Variants in NAALADL2 observed in about 807,000 individuals in gnomAD.
NAALADL2 encodes N-acetylated alpha-linked acidic dipeptidase like 2, also known as inactive N-acetylated-alpha-linked acidic dipeptidase-like protein 2.
NAALADL2 carries 76 observed loss-of-function variants against 87.2 expected under a neutral mutation model. That is an observed-to-expected ratio of 0.87 (90% confidence interval 0.72 to 1.05). The LOEUF (loss-of-function observed/expected upper bound fraction) is 1.05. Ranked by LOEUF, NAALADL2 falls within the 50% of genes least tolerant of loss-of-function variation. The probability of loss-of-function intolerance (pLI) is 0.00; values close to 1 mark genes in which losing one functional copy is unlikely to be tolerated. For missense variants in NAALADL2, 1,089 were observed against 945.8 expected (o/e 1.15, Z -1.99); for synonymous variants, 354 against 331.0 (o/e 1.07, Z -0.75).
intron 3 of NAALADL2, among the ~76,000 whole-genome samples, chr3:174,763,906 G>C (rs969096277): frequency 2.0e-5 from 3 of 151,788 alleles, no homozygotes; most frequent in Non-Finnish European, 2.9e-5. Flanking sequence ...TTTAGAAATG[G>C]TGTGTAACCA....
chr3:175,534,883 T>C (rs1239228447), intron 9 of NAALADL2, among the ~76,000 whole-genome samples: 1 of 151,998 alleles, frequency 6.6e-6, no homozygotes, highest in Non-Finnish European at 1.5e-5. Flanking sequence ...CTTGCCTTTC[T>C]TTCTTTGTTC....
chr3:175,458,612 G>T (rs988776162), intron 6 of NAALADL2, among the ~76,000 whole-genome samples: 13 of 149,040 alleles, frequency 8.7e-5, no homozygotes, highest in Non-Finnish European at 1.9e-4. Context: ...ATAAAACCAT[G>T]AGAACATATC....
At chr3:174,715,219 C>G (rs1425989713) in intron 2 of NAALADL2, among the ~76,000 whole-genome samples, 6 of 152,078 alleles carry the variant, frequency 3.9e-5, no homozygotes. Flanking sequence ...TACCTTCCAA[C>G]TATTTTTTTA....
At chr3:175,383,857 G>T (rs188653279) in intron 5 of NAALADL2, among the ~76,000 whole-genome samples, 1 of 152,000 alleles carries the variant, frequency 6.6e-6, no homozygotes, top group South Asian at 2.1e-4. Context: ...GAAAAGATAC[G>T]TAGTGGGCTC....
At chr3:174,940,962 T>A (rs1277848903) in intron 1 of NAALADL2, among the ~76,000 whole-genome samples, 1 of 152,104 alleles carries the variant, frequency 6.6e-6, no homozygotes, top group Non-Finnish European at 1.5e-5. Flanking sequence ...AACTCCTGGA[T>A]TCATTGATCT....
chr3:175,658,659 G>T (rs185890875), intron 11 of NAALADL2, among the ~76,000 whole-genome samples: 10 of 152,192 alleles, frequency 6.6e-5, no homozygotes, highest in South Asian at 4.2e-4. Context: ...ATTTGGATAT[G>T]TATTGTTCCT....
At chr3:174,871,668 G>A (rs1336558925) in intron 1 of NAALADL2, among the ~76,000 whole-genome samples, 2 of 152,186 alleles carry the variant, frequency 1.3e-5, no homozygotes, top group Non-Finnish European at 2.9e-5. Context: ...GGAGGCCAAG[G>A]TGGGTGGATC....
At chr3:174,875,376 A>G (rs936825188) in intron 1 of NAALADL2, among the ~76,000 whole-genome samples, 2 of 152,166 alleles carry the variant, frequency 1.3e-5, no homozygotes, top group East Asian at 1.9e-4. Context: ...ATGTACACAC[A>G]TACATATATT....
At chr3:175,169,901 C>A (rs1367418972) in intron 2 of NAALADL2, among the ~76,000 whole-genome samples, 2 of 151,802 alleles carry the variant, frequency 1.3e-5, no homozygotes, top group Non-Finnish European at 3.0e-5. Context: ...TCGTTTTAAA[C>A]TCACTGGTTG....
intron 12 of NAALADL2, among the ~76,000 whole-genome samples, chr3:175,737,982 T>C (rs1034846808): frequency 3.3e-5 from 5 of 152,046 alleles, no homozygotes; most frequent in African/African-American, 1.2e-4. Context: ...TACCTTCATT[T>C]CCCCTTCATC....
chr3:174,596,423 C>T (rs1450410444), intron 2 of NAALADL2, among the ~76,000 whole-genome samples: 1 of 152,164 alleles, frequency 6.6e-6, no homozygotes, highest in Non-Finnish European at 1.5e-5. Context: ...GACTTATTCA[C>T]TGTTTTGTTT....
chr3:174,585,653 G>A (rs183872267), intron 2 of NAALADL2, among the ~76,000 whole-genome samples: 19 of 145,318 alleles, frequency 1.3e-4, no homozygotes, highest in Non-Finnish European at 2.5e-4. Context: ...TCAAAAGATA[G>A]TTTTTTTTGT....
intron 2 of NAALADL2, among the ~76,000 whole-genome samples, chr3:174,728,996 A>G (rs1732454768): frequency 6.6e-6 from 1 of 152,094 alleles, no homozygotes; most frequent in Admixed American, 6.6e-5. Context: ...TCATTAGTGG[A>G]CTGAAATAGT....
intron 1 of NAALADL2, among the ~76,000 whole-genome samples, chr3:175,011,257 A>T (rs542301059): frequency 7.7e-6 from 1 of 130,486 alleles, no homozygotes; most frequent in South Asian, 2.7e-4. Context: ...AGAGACAGAG[A>T]GAGAGGGAGA....
At chr3:174,473,432 C>T (rs1309386540) in intron 1 of NAALADL2, among the ~76,000 whole-genome samples, 1 of 152,152 alleles carries the variant, frequency 6.6e-6, no homozygotes, top group African/African-American at 2.4e-5. Context: ...ATAGGAATCA[C>T]CTGACCTTAA....
Position 174,898,112 on chromosome 3 carries a change from CAAAAAAAAAAAAAAAAAAAAAAAAAAAAA to C in NAALADL2, c.43+38665_43+38693del, listed in dbSNP as rs913382744. 2.2e-3 allele frequency among the ~76,000 whole-genome samples: 32 copies of C among 14,502 alleles called. 3 individuals are homozygous for C. The highest frequency in any genetic ancestry group is 8.7e-3 in the African/African-American group (32 of 3,658). The allele number at this position is 14,502 out of a possible 152,430, so 9.5% of individuals were successfully genotyped here. A position where few individuals can be genotyped will look rare whatever the true frequency, so the allele number is the denominator to read the frequency against. On this transcript the variant is annotated intron_variant, in intron 1 of 13. Transcript: ENST00000454872. ...TGGGTGACAGAGCGAGACTCCGTCTCAAAAAAAAAAAAAAAAAAAAAAAAAAAAAAAGAAAAAAAGAATGAGATCTTATC... is the reference window on the plus strand; with the variant it reads ...TGGGTGACAGAGCGAGACTCCGTCTCAAGAAAAAAAGAATGAGATCTTATC...
At position 174,456,214 on chromosome 3, in the gene NAALADL2, C is replaced by T. The variant is rs193118390; in HGVS notation, c.-184+15182C>T. ...CACTGCTCAGAGAAATCAGAGATGA[C>T]ACAAACAATAGAAGAACATTCCATG... On this transcript the variant is annotated intron_variant, in intron 1 of 3. Transcript: ENST00000434257. 5.8e-4 allele frequency among the ~76,000 whole-genome samples: 88 copies of T among 151,890 alleles called. 1 individual carries two copies. The highest frequency in any genetic ancestry group is 1.8e-4 in the Non-Finnish European group (12 of 67,944).
rs1376805450 is a variant in NAALADL2, at chr3:175,718,286, C to G, written c.1897-19020C>G. 10 of 1,345,060 alleles carry G rather than the reference C, an allele frequency of 7.4e-6. No individual in the cohort carries two copies. The Admixed American group carries it at 1.8e-4, about 25-fold the overall frequency. 83.3% of individuals were successfully genotyped at this position (1,345,060 alleles called of 1,614,324 possible). A position where few individuals can be genotyped will look rare whatever the true frequency, so the allele number is the denominator to read the frequency against. The stretch of plus-strand genomic sequence containing the variant: ...GGAGTTTCATATTTTCTTTAGACAT[C>G]GTTAGGCGCCGAAGCTCTTGCAGGA... On this transcript the variant is annotated intron_variant, in intron 11 of 13. Coordinates refer to ENST00000454872, the MANE Select transcript of NAALADL2 (RefSeq NM_207015.3).
At chr3:174,901,462 A>G (rs1047149744) in intron 1 of NAALADL2, among the ~76,000 whole-genome samples, 4 of 152,194 alleles carry the variant, frequency 2.6e-5, no homozygotes, top group Non-Finnish European at 4.4e-5. Flanking sequence ...AAGCTTCATT[A>G]GGGGCTGGGC....
Sources: gnomAD v4.1 joint callset for allele counts (sites outside exome capture counted in the v4.1 genomes callset) on GRCh38, gnomAD v4.1.1 for gene constraint, MANE v1.5 for transcripts, NCBI Gene and HGNC (gene_info 2026-07-23, HGNC 2026-07-21) for gene names.